MBTD1: variants seen among roughly 807,000 people sequenced by gnomAD.
The protein encoded by MBTD1 is mbt domain containing 1, also known as MBT domain-containing protein 1.
MBTD1 carries 24 observed loss-of-function variants against 87.8 expected under a neutral mutation model. The ratio of observed to expected loss-of-function variants is 0.27; its 90% CI spans 0.20 to 0.38. MBTD1 has a LOEUF of 0.38. MBTD1 is among the 10% of genes least tolerant of loss of function. The pLI, the probability that MBTD1 is intolerant of heterozygous loss-of-function variation, is 1.00. For missense variants in MBTD1, 436 were observed against 760.2 expected (o/e 0.57, Z 5.02); for synonymous variants, 237 against 248.6 (o/e 0.95, Z 0.44).
chr17:51,194,370 G>A (rs1386641371), intron 13 of MBTD1, among the ~76,000 whole-genome samples: 1 of 151,992 alleles, frequency 6.6e-6, no homozygotes, highest in African/African-American at 2.4e-5. Context: ...AGGAGTTCGT[G>A]ATGAGCCTGG....
intron 16 of MBTD1, among the ~76,000 whole-genome samples, chr17:51,182,581 C>A (rs1333116973): frequency 6.6e-6 from 1 of 152,128 alleles, no homozygotes. Flanking sequence ...ACTTACTACC[C>A]CCTGAATCTG....
At chr17:51,197,520 CTTT>C (rs548902033) in intron 12 of MBTD1, among the ~76,000 whole-genome samples, 7 of 139,004 alleles carry the variant, frequency 5.0e-5, no homozygotes, top group East Asian at 2.1e-4. Context: ...TTTTTCTTTT[CTTT>C]TTTTTTTTTT....
intron 2 of MBTD1, among the ~76,000 whole-genome samples, chr17:51,240,585 G>A (rs753849532): frequency 1.1e-4 from 17 of 152,174 alleles, no homozygotes; most frequent in Non-Finnish European, 2.2e-4. Context: ...CTTTGTATCA[G>A]AGCATTTCAA....
At position 51,179,486 on chromosome 17, in the gene MBTD1, A is replaced by ATATATT. The variant is rs2050205139; in HGVS notation, c.*1089_*1090insAATATA. 1 of 15,016 alleles carries ATATATT rather than the reference A, an allele frequency of 6.7e-5. No homozygotes were observed. Among genetic ancestry groups the ATATATT allele is most frequent in the Non-Finnish European group, 1.4e-4 (1 of 7,318 alleles). 0.9% of individuals were successfully genotyped at this position (15,016 alleles called of 1,614,324 possible). On this transcript the variant is annotated 3_prime_UTR_variant, in exon 17 of 17. Transcript: ENST00000586178. The stretch of plus-strand genomic sequence containing the variant: ...CCTGAATACAATTAAAGACAATTTT[A>ATATATT]TATATATATATATATATATATATAT...
chr17:51,194,613 T>G, intron 13 of MBTD1, among the ~76,000 whole-genome samples: 1 of 122,410 alleles, frequency 8.2e-6, no homozygotes, highest in Admixed American at 8.9e-5. Context: ...CTAAGTGTGG[T>G]GGTTCACTCC....
At chr17:51,245,701 C>T (rs2054396685) in intron 2 of MBTD1, among the ~76,000 whole-genome samples, 1 of 152,058 alleles carries the variant, frequency 6.6e-6, no homozygotes, top group African/African-American at 2.4e-5. Flanking sequence ...CTGGATTTCA[C>T]ACTATTTCCC....
intron 16 of MBTD1, chr17:51,186,360 AAG>A (rs1406345591): frequency 1.3e-5 from 2 of 152,254 alleles, no homozygotes; most frequent in East Asian, 1.9e-4. Flanking sequence ...AAAAGAAGGA[AAG>A]AGAGACTGAC....
chr17:51,192,319 TTTAC>T, intron 15 of MBTD1, 39 bp from the exon 16 acceptor site: 1 of 1,389,336 alleles, frequency 7.2e-7, no homozygotes, highest in Non-Finnish European at 1.0e-6. Flanking sequence ...TAGATAATTG[TTTAC>T]AATTTAGACG....
At chr17:51,216,583 T>C (rs1428587001) in intron 6 of MBTD1, among the ~76,000 whole-genome samples, 1 of 152,218 alleles carries the variant, frequency 6.6e-6, no homozygotes, top group Non-Finnish European at 1.5e-5. Flanking sequence ...CTTGTTTTTG[T>C]GACTTAACAT....
At chr17:51,181,563 A>G (rs995181055) in intron 16 of MBTD1, among the ~76,000 whole-genome samples, 1 of 152,200 alleles carries the variant, frequency 6.6e-6, no homozygotes. Flanking sequence ...TGACTGAGGC[A>G]GAAGGATTGC....
Position 51,218,974 on chromosome 17 carries a change from G to C in MBTD1, c.359C>G (p.Ala120Gly). 6.4e-7 allele frequency: 1 copy of C among 1,551,334 alleles called. No individual in the cohort carries two copies. Among genetic ancestry groups the C allele is most frequent in the African/African-American group, 1.4e-5 (1 of 73,134 alleles). The change falls in exon 5 of 17, where the codon GCT becomes GGT. Residue 120 changes from alanine (A) to glycine (G), a missense_variant. By Grantham distance (60) the Ala-to-Gly change is moderately conservative. Coordinates refer to ENST00000586178, the MANE Select transcript of MBTD1 (RefSeq NM_017643.3). ...ATTTTGCAAGGTAGCTTGATACTGA[G>C]CATATGCGGCTAGCTTAGCAACTAA... ...QPLVAKLAAY[A>G]QYQATLQNQA...
intron 2 of MBTD1, among the ~76,000 whole-genome samples, chr17:51,246,434 T>C (rs1388631707): frequency 6.6e-6 from 1 of 152,194 alleles, no homozygotes. Flanking sequence ...ATGCTCAATC[T>C]ATGTTTTGTT....
At chr17:51,212,499 C>A in intron 6 of MBTD1, among the ~76,000 whole-genome samples, 1 of 141,392 alleles carries the variant, frequency 7.1e-6, no homozygotes, top group Admixed American at 7.1e-5. Flanking sequence ...GGGATGATTT[C>A]AACATTTCTG....
intron 6 of MBTD1, among the ~76,000 whole-genome samples, chr17:51,212,062 G>A (rs1238884390): frequency 2.6e-5 from 4 of 152,108 alleles, no homozygotes; most frequent in African/African-American, 7.2e-5. Flanking sequence ...TGTGGAGGCA[G>A]AATGAAAAAG....
In MBTD1 at chr17:51,220,417, G is replaced by A. The variant is rs1207121008; in HGVS notation, c.201C>T (p.Tyr67=). The A allele has an allele frequency of 2.6e-6, 4 of 1,549,406 alleles. No individual in the cohort carries two copies. Among genetic ancestry groups the A allele is most frequent in the African/African-American group, 1.4e-5 (1 of 73,006 alleles). ...CGCTACAGAAACGCTTTGTTTTAGA[G>A]TAAAAAGCATCTCGGACGCCAACCA... ...CGMVGVRDAF[Y]SKTKRFCSVS... is the part of the protein sequence containing the mutation. The change falls in exon 4 of 17, where the codon TAC becomes TAT. Residue 67 remains tyrosine, a synonymous_variant. Transcript: ENST00000586178.
intron 16 of MBTD1, among the ~76,000 whole-genome samples, chr17:51,187,850 AAAAG>A (rs1177636042): frequency 2.8e-5 from 4 of 143,634 alleles, no homozygotes; most frequent in South Asian, 4.3e-4. Flanking sequence ...CTCTGTCTCA[AAAAG>A]AAAGAAAGAA....
At chr17:51,184,096 TAAAA>T (rs1242372427) in intron 16 of MBTD1, 1 of 152,222 alleles carries the variant, frequency 6.6e-6, no homozygotes, top group East Asian at 1.9e-4. Flanking sequence ...AATGATGTGC[TAAAA>T]AAAGTCACTC....
intron 12 of MBTD1, among the ~76,000 whole-genome samples, chr17:51,198,074 G>A (rs960562913): frequency 1.3e-5 from 2 of 152,112 alleles, no homozygotes; most frequent in African/African-American, 2.4e-5. Context: ...CATTTTATCC[G>A]CATGCTGAAC....
At chr17:51,234,348 G>A (rs1419468855) in intron 2 of MBTD1, among the ~76,000 whole-genome samples, 1 of 138,236 alleles carries the variant, frequency 7.2e-6, no homozygotes, top group African/African-American at 2.8e-5. Context: ...AGCTGAGATT[G>A]CACCACTGCA....
Sources: gnomAD v4.1 joint callset for allele counts (sites outside exome capture counted in the v4.1 genomes callset) on GRCh38, gnomAD v4.1.1 for gene constraint, MANE v1.5 for transcripts, NCBI Gene and HGNC (gene_info 2026-07-23, HGNC 2026-07-21) for gene names.